Variants in ABHD17B observed in about 807,000 individuals in gnomAD.
ABHD17B encodes alpha/beta hydrolase domain-containing protein 17B.
A neutral mutation model predicts 26.2 loss-of-function variants in ABHD17B; 9 were observed. The ratio of observed to expected loss-of-function variants is 0.34; its 90% CI spans 0.21 to 0.60. The LOEUF (loss-of-function observed/expected upper bound fraction) is 0.60, where lower values mean the gene tolerates loss of function less well. Among genes scored for constraint, ABHD17B ranks in the 20% least tolerant of loss-of-function variants. ABHD17B has a pLI of 0.80. For missense variants in ABHD17B, 224 were observed against 352.1 expected (o/e 0.64, Z 2.91); for synonymous variants, 127 against 122.3 (o/e 1.04, Z -0.25).
chr9:71,879,048 G>A (rs975181423), intron 1 of ABHD17B, among the ~76,000 whole-genome samples: 3 of 152,126 alleles, frequency 2.0e-5, no homozygotes, highest in South Asian at 2.1e-4. Flanking sequence ...CTCAGCCACT[G>A]GCGTGGCTGG....
chr9:71,910,426 A>C (rs1349459424), intron 1 of ABHD17B, among the ~76,000 whole-genome samples: 1 of 152,024 alleles, frequency 6.6e-6, no homozygotes, highest in Non-Finnish European at 1.5e-5. Context: ...CCATCAGAGA[A>C]TCCTCTCAAA....
At chr9:71,886,127 A>G (rs1826600477) in intron 1 of ABHD17B, among the ~76,000 whole-genome samples, 1 of 152,216 alleles carries the variant, frequency 6.6e-6, no homozygotes, top group Non-Finnish European at 1.5e-5. Context: ...TGGGGATGCA[A>G]TATCATTCTG....
chr9:71,882,867 C>T (rs1826488980), intron 1 of ABHD17B, among the ~76,000 whole-genome samples: 1 of 151,788 alleles, frequency 6.6e-6, no homozygotes, highest in African/African-American at 2.4e-5. Flanking sequence ...AAAACATTGC[C>T]GGGCGCAGTG....
intron 2 of ABHD17B, among the ~76,000 whole-genome samples, chr9:71,870,868 C>G (rs1228973617): frequency 6.6e-6 from 1 of 152,202 alleles, no homozygotes; most frequent in East Asian, 1.9e-4. Flanking sequence ...GAATTCCAAA[C>G]ACCACATGGT....
Position 71,866,852 on chromosome 9 carries a change from C to G in ABHD17B, c.802G>C (p.Glu268Gln). ...CTTTCAAGATACTGTCCATAAAGTT[C>G]CACATCATTGTGACCTGCTCCTTCA... ...WVEGAGHNDV[E>Q]LYGQYLERLK... The change falls in exon 4 of 4, where the codon GAA becomes CAA. Residue 268 changes from glutamate to glutamine, a missense_variant. Physicochemically the swap from Glu to Gln is conservative, Grantham distance 29. Transcript: ENST00000333421. The G allele has an allele frequency of 6.2e-7, 1 of 1,614,168 alleles. No homozygotes were observed. Among genetic ancestry groups the G allele is most frequent in the South Asian group, 1.1e-5 (1 of 91,076 alleles).
intron 1 of ABHD17B, among the ~76,000 whole-genome samples, chr9:71,886,421 CAAAAAA>C (rs5898239): frequency 7.9e-6 from 1 of 126,882 alleles, no homozygotes; most frequent in African/African-American, 2.9e-5. Context: ...GACCCTGTCT[CAAAAAA>C]AAAAAAAAAA....
chr9:71,888,231 G>A (rs1455384367), intron 1 of ABHD17B, among the ~76,000 whole-genome samples: 1 of 152,220 alleles, frequency 6.6e-6, no homozygotes, highest in Non-Finnish European at 1.5e-5. Context: ...AACTTTTGGT[G>A]ACTGGAAAGT....
chr9:71,873,964 A>G (rs576177118), intron 2 of ABHD17B, among the ~76,000 whole-genome samples: 1 of 152,348 alleles, frequency 6.6e-6, no homozygotes, highest in East Asian at 1.9e-4. Flanking sequence ...TGTACTTCCC[A>G]AGAAGTAATC....
intron 1 of ABHD17B, among the ~76,000 whole-genome samples, chr9:71,891,506 G>A (rs1826783418): frequency 6.6e-6 from 1 of 152,014 alleles, no homozygotes; most frequent in Non-Finnish European, 1.5e-5. Flanking sequence ...TGTTTTTCAG[G>A]TAATGCTTGT....
rs1827447286 is a variant in ABHD17B, at chr9:71,910,838, C to A, written c.-208G>T. On this transcript the variant is annotated 5_prime_UTR_variant, in exon 1 of 4. Coordinates refer to ENST00000333421, the MANE Select transcript of ABHD17B (RefSeq NM_001025780.3). ...AAGAAGGACGGCGGCGCCCCAGGGG[C>A]CCCGCTCACGCTCCCGAGTCTCGCC... 6.6e-6 allele frequency: 1 copy of A among 151,526 alleles called. No individual in the cohort carries two copies. Among genetic ancestry groups the A allele is most frequent in the Non-Finnish European group, 1.5e-5 (1 of 67,794 alleles). 9.4% of individuals were successfully genotyped at this position (151,526 alleles called of 1,614,324 possible).
At chr9:71,899,534 C>A (rs879252376) in intron 1 of ABHD17B, among the ~76,000 whole-genome samples, 1 of 152,138 alleles carries the variant, frequency 6.6e-6, no homozygotes, top group Non-Finnish European at 1.5e-5. Flanking sequence ...AGGGATCCCA[C>A]GGACCCTGTT....
chr9:71,892,289 T>C (rs966130165), intron 1 of ABHD17B, among the ~76,000 whole-genome samples: 1 of 151,858 alleles, frequency 6.6e-6, no homozygotes. Context: ...TCCCAGCACT[T>C]TGGGAGGTCG....
At position 71,910,629 on chromosome 9, in the gene ABHD17B, C is replaced by G. The variant is rs978576399; in HGVS notation, c.-4+5G>C. ...GGCGTCCCCAAACCCCGAGGCCGCA[C>G]GCACCTGCACCTGAGCGGCCCGGGC... On this transcript the variant is annotated splice_donor_5th_base_variant and intron_variant, in intron 1 of 3. Transcript: ENST00000333421. 28 of 152,064 alleles carry G rather than the reference C, an allele frequency of 1.8e-4. No individual in the cohort carries two copies. The highest frequency in any genetic ancestry group is 6.5e-4 in the African/African-American group (27 of 41,394). The allele number at this position is 152,064 out of a possible 1,614,324, so 9.4% of individuals were successfully genotyped here. A position where few individuals can be genotyped will look rare whatever the true frequency, so the allele number is the denominator to read the frequency against.
chr9:71,903,663 G>A lies in ABHD17B; in HGVS notation c.-4+6971C>T, dbSNP rs374274271. Among the ~76,000 whole-genome samples, 261 of 152,322 alleles carry A rather than the reference G, an allele frequency of 1.7e-3. 2 individuals carry two copies. Among genetic ancestry groups the A allele is most frequent in the African/African-American group, 6.0e-3 (248 of 41,580 alleles). On this transcript the variant is annotated intron_variant, in intron 1 of 3. Transcript: ENST00000333421. The stretch of plus-strand genomic sequence containing the variant: ...AATCTGCATGAGATGATTTTTACAT[G>A]AAAAAGGTTTAGGGTTTGTCTACAA...
intron 1 of ABHD17B, among the ~76,000 whole-genome samples, chr9:71,875,523 G>T (rs147690325): frequency 7.9e-5 from 12 of 152,238 alleles, no homozygotes; most frequent in African/African-American, 2.6e-4. Flanking sequence ...ACCACGCCCG[G>T]CCTTTGGCTT....
In ABHD17B at chr9:71,870,278, G is replaced by A. The variant is rs376986719; in HGVS notation, c.468-16C>T. 87 of 1,547,614 alleles carry A rather than the reference G, an allele frequency of 5.6e-5. No homozygotes were observed. The African/African-American group carries it at 9.5e-4, about 17-fold the overall frequency. On this transcript the variant is annotated splice_polypyrimidine_tract_variant and intron_variant, in intron 2 of 3. Transcript: ENST00000333421. The stretch of plus-strand genomic sequence containing the variant: ...AATGCCATATCTACAAAGTTCAGGC[G>A]TTAAAAACAAAAACCAAAAAAGTTG...
At chr9:71,871,747 T>C (rs1428436155) in intron 2 of ABHD17B, among the ~76,000 whole-genome samples, 1 of 152,158 alleles carries the variant, frequency 6.6e-6, no homozygotes, top group Non-Finnish European at 1.5e-5. Context: ...GAGCAGATCT[T>C]CAAAGTCACC....
chr9:71,904,225 G>C (rs1179890516), intron 1 of ABHD17B, among the ~76,000 whole-genome samples: 1 of 152,120 alleles, frequency 6.6e-6, no homozygotes, highest in Non-Finnish European at 1.5e-5. Context: ...GTGGGCCTCT[G>C]GTAGGTGATA....
At chr9:71,905,729 G>C (rs1827261813) in intron 1 of ABHD17B, among the ~76,000 whole-genome samples, 1 of 152,176 alleles carries the variant, frequency 6.6e-6, no homozygotes, top group African/African-American at 2.4e-5. Context: ...CTTGCATAAA[G>C]AAAGTGCTGC....
Sources: gnomAD v4.1 joint callset for allele counts (sites outside exome capture counted in the v4.1 genomes callset) on GRCh38, gnomAD v4.1.1 for gene constraint, MANE v1.5 for transcripts, NCBI Gene and HGNC (gene_info 2026-07-23, HGNC 2026-07-21) for gene names.